The following GAPVD1 variants were observed in gnomAD, a reference collection of about 807,000 sequenced individuals.
GAPVD1 encodes the protein GTPase activating protein and VPS9 domains 1.
GAPVD1 carries 35 observed loss-of-function variants against 155.5 expected under a neutral mutation model. That is an observed-to-expected ratio of 0.23 (90% CI 0.17 to 0.30). The LOEUF is 0.30. Ranked by LOEUF, GAPVD1 falls within the 10% of genes least tolerant of loss-of-function variation. The probability of loss-of-function intolerance (pLI) is 1.00; values close to 1 mark genes in which losing one functional copy is unlikely to be tolerated. For synonymous variants in GAPVD1, 636 were observed against 619.7 expected, an observed-to-expected ratio of 1.03 and a Z score of -0.39; for missense variants, 1,429 against 1,775.7, an observed-to-expected ratio of 0.80 and a Z score of 3.51.
At chr9:125,276,027 AT>A (rs1223453271) in intron 2 of GAPVD1, among the ~76,000 whole-genome samples, 1 of 152,140 alleles carries the variant, frequency 6.6e-6, no homozygotes, top group Non-Finnish European at 1.5e-5. Flanking sequence ...AAATTAGTGT[AT>A]TGAGGGTAAA....
intron 9 of GAPVD1, 30 bp from the exon 10 acceptor site, chr9:125,321,403 A>G: frequency 1.9e-6 from 3 of 1,584,930 alleles, no homozygotes; most frequent in Admixed American, 1.7e-5. Context: ...CTTTCCATTG[A>G]TAAACCAAAA....
Position 125,323,784 on chromosome 9 carries a change from A to G in GAPVD1, c.1733-14A>G. ...GTTTTAAAAAGATTGCTCACACTAT[A>G]AACATTTCTCTAGGTCCTTCAAATC... is the stretch of plus-strand genomic sequence containing the variant. On this transcript the variant is annotated splice_polypyrimidine_tract_variant and intron_variant, in intron 10 of 27. Coordinates refer to ENST00000297933, the MANE Select transcript of GAPVD1 (RefSeq NM_001282680.3). 1 of 1,613,338 alleles carries G rather than the reference A, an allele frequency of 6.2e-7. No homozygotes were observed. The highest frequency in any genetic ancestry group is 8.5e-7 in the Non-Finnish European group (1 of 1,179,410).
At chr9:125,362,480 C>T in intron 27 of GAPVD1, 126 bp from the exon 28 acceptor site, 2 of 761,938 alleles carry the variant, frequency 2.6e-6, no homozygotes, top group Non-Finnish European at 4.1e-6. Flanking sequence ...CAAAAAATAA[C>T]TTTGGGGTTG....
At chr9:125,299,488 T>C (rs1840420164) in intron 4 of GAPVD1, among the ~76,000 whole-genome samples, 1 of 151,702 alleles carries the variant, frequency 6.6e-6, no homozygotes, top group Non-Finnish European at 1.5e-5. Flanking sequence ...AAACTCCGTC[T>C]CTACTAAAAA....
chr9:125,272,904 C>G (rs1178009395), intron 2 of GAPVD1, among the ~76,000 whole-genome samples: 3 of 152,152 alleles, frequency 2.0e-5, no homozygotes, highest in Non-Finnish European at 4.4e-5. Flanking sequence ...AGCAAAAATG[C>G]AGCTGAGGCT....
At chr9:125,296,156 A>G (rs1428770097) in intron 3 of GAPVD1, among the ~76,000 whole-genome samples, 1 of 151,270 alleles carries the variant, frequency 6.6e-6, no homozygotes, top group Non-Finnish European at 1.5e-5. Context: ...AGTTGCAGAC[A>G]TCCTAACACT....
At chr9:125,266,534 T>G (rs1481623051) in intron 1 of GAPVD1, among the ~76,000 whole-genome samples, 1 of 151,930 alleles carries the variant, frequency 6.6e-6, no homozygotes, top group African/African-American at 2.4e-5. Context: ...AGGATGGTCT[T>G]GATCTCCTGA....
At chr9:125,271,387 G>C (rs530738036) in intron 2 of GAPVD1, among the ~76,000 whole-genome samples, 18 of 151,662 alleles carry the variant, frequency 1.2e-4, no homozygotes, top group African/African-American at 4.1e-4. Context: ...TGAATCTTTG[G>C]AAGGATTAAA....
At chr9:125,314,888 C>T (rs554407741) in intron 9 of GAPVD1, among the ~76,000 whole-genome samples, 5 of 150,528 alleles carry the variant, frequency 3.3e-5, no homozygotes, top group Non-Finnish European at 7.4e-5. Flanking sequence ...CCCGGGTTCA[C>T]GCCATTCTCC....
At chr9:125,335,011 A>G (rs1338837542) in intron 15 of GAPVD1, among the ~76,000 whole-genome samples, 1 of 152,234 alleles carries the variant, frequency 6.6e-6, no homozygotes, top group African/African-American at 2.4e-5. Context: ...GCAGAGGACA[A>G]AAAGTTCATT....
chr9:125,287,230 A>G (rs1186452606), intron 2 of GAPVD1, among the ~76,000 whole-genome samples: 3 of 151,950 alleles, frequency 2.0e-5, no homozygotes, highest in Non-Finnish European at 4.4e-5. Flanking sequence ...ATATAGAAAC[A>G]TGACGATGAA....
chr9:125,289,772 G>A (rs1838289045), intron 2 of GAPVD1, among the ~76,000 whole-genome samples: 1 of 152,272 alleles, frequency 6.6e-6, no homozygotes, highest in Middle Eastern at 3.4e-3. Flanking sequence ...TTTGGGAACT[G>A]TTATCACTTT....
In GAPVD1 at chr9:125,302,535, A is replaced by G. The variant is rs542250668; in HGVS notation, c.738A>G (p.Lys246=). The G allele has an allele frequency of 1.2e-6, 2 of 1,614,066 alleles. No individual in the cohort carries two copies. The highest frequency in any genetic ancestry group is 1.1e-5 in the South Asian group (1 of 91,084). ...AGGGCTCAGATAGATTCAGGCAAAA[A>G]GTTCAAGAAATGGTGGAGTCCAATG... ...GEKGSDRFRQ[K]VQEMVESNEA... Residue 246 remains lysine (K), a synonymous_variant, in exon 5 of 28, where the codon AAA becomes AAG. Coordinates refer to ENST00000297933, the MANE Select transcript of GAPVD1 (RefSeq NM_001282680.3).
At chr9:125,360,441 C>A in intron 26 of GAPVD1, 87 bp from the exon 27 acceptor site, 2 of 1,013,054 alleles carry the variant, frequency 2.0e-6, no homozygotes, top group Non-Finnish European at 1.6e-6. Context: ...ACATTATCCT[C>A]TGCCTCCTGA....
chr9:125,307,465 C>T lies in GAPVD1; in HGVS notation c.1169C>T (p.Thr390Ile), dbSNP rs1207017590. 1.9e-6 allele frequency: 3 copies of T among 1,608,900 alleles called. No individual in the cohort carries two copies. Among genetic ancestry groups the T allele is most frequent in the East Asian group, 2.2e-5 (1 of 44,872 alleles). ...DVVIGGRAVE[T>I]PPLSSVNLLE... Reference sequence around the variant, plus strand: ...GTGATTGGGGGCCGTGCAGTGGAGACCCCTCCATTGTCTTCCGTCAATCTT... The same window carrying T: ...GTGATTGGGGGCCGTGCAGTGGAGATCCCTCCATTGTCTTCCGTCAATCTT... Residue 390 changes from threonine to isoleucine, a missense_variant, in exon 7 of 28, where the codon ACC becomes ATC. Thr to Ile is a moderately conservative substitution (Grantham distance 89). Transcript: ENST00000297933.
In GAPVD1 at chr9:125,363,932, A is replaced by T. The variant is rs1232760479; in HGVS notation, c.*1186A>T. The T allele has an allele frequency of 1.3e-5, 2 of 152,616 alleles. No homozygotes were observed. Among genetic ancestry groups the T allele is most frequent in the African/African-American group, 4.8e-5 (2 of 41,432 alleles). 9.5% of individuals were successfully genotyped at this position (152,616 alleles called of 1,614,324 possible). A position where few individuals can be genotyped will look rare whatever the true frequency, so the allele number is the denominator to read the frequency against. Reference sequence around the variant, plus strand: ...GGTTTGCATTGTATATCAATAATTAATCAGGAATGGGTTTTGGTGCCTGAA... The same window carrying T: ...GGTTTGCATTGTATATCAATAATTATTCAGGAATGGGTTTTGGTGCCTGAA... On this transcript the variant is annotated 3_prime_UTR_variant, in exon 28 of 28. Transcript: ENST00000297933.
chr9:125,263,818 T>C, intron 1 of GAPVD1: 5 of 1,091,338 alleles, frequency 4.6e-6, no homozygotes, highest in Non-Finnish European at 7.0e-6. Context: ...TGGACAGCTA[T>C]GGCGTAGGGT....
chr9:125,292,356 G>T (rs181669765), intron 2 of GAPVD1, among the ~76,000 whole-genome samples: 8 of 151,834 alleles, frequency 5.3e-5, no homozygotes, highest in African/African-American at 1.7e-4. Context: ...GACATGAACA[G>T]AAATAAAGGG....
intron 25 of GAPVD1, among the ~76,000 whole-genome samples, chr9:125,359,091 T>C (rs779321811): frequency 5.7e-4 from 87 of 151,842 alleles, no homozygotes; most frequent in Non-Finnish European, 7.5e-4. Flanking sequence ...TCTCACTTTT[T>C]CCCCCCCTCT....
Sources: gnomAD v4.1 joint callset for allele counts (sites outside exome capture counted in the v4.1 genomes callset) on GRCh38, gnomAD v4.1.1 for gene constraint, MANE v1.5 for transcripts, NCBI Gene and HGNC (gene_info 2026-07-23, HGNC 2026-07-21) for gene names.